Variants in MAGI1 observed in about 807,000 individuals in gnomAD.
MAGI1 encodes membrane-associated guanylate kinase, WW and PDZ domain-containing protein 1.
Under a neutral mutation model 139.9 loss-of-function variants are expected in MAGI1, and 58 were observed. The ratio of observed to expected loss-of-function variants is 0.41; its 90% CI spans 0.34 to 0.52. The LOEUF is 0.52. Among genes scored for constraint, MAGI1 ranks in the 20% least tolerant of loss-of-function variants. The probability of loss-of-function intolerance (pLI) is 0.12; values close to 1 mark genes in which losing one functional copy is unlikely to be tolerated. For missense variants in MAGI1, 1,874 were observed against 1,901.6 expected (o/e 0.99, Z 0.27); for synonymous variants, 812 against 737.9 (o/e 1.10, Z -1.63).
intron 1 of MAGI1, among the ~76,000 whole-genome samples, chr3:65,824,915 A>G (rs1435246395): frequency 2.0e-5 from 3 of 152,220 alleles, no homozygotes; most frequent in African/African-American, 7.2e-5. Context: ...ATGTTGTAAG[A>G]GTACATGGAT....
rs2037541264 is a variant in MAGI1, at chr3:65,767,016, G to A, written c.314-144928C>T. Reference sequence around the variant, plus strand: ...GGGCAGGTCATATTGCCCTCTCTGAGTTTCCATTTCTCTCTCTTTTTTCTT... The same window carrying A: ...GGGCAGGTCATATTGCCCTCTCTGAATTTCCATTTCTCTCTCTTTTTTCTT... On this transcript the variant is annotated intron_variant, in intron 1 of 22. Transcript: ENST00000402939. 2.0e-5 allele frequency among the ~76,000 whole-genome samples: 3 copies of A among 152,298 alleles called. No individual in the cohort carries two copies. In the South Asian group the frequency reaches 6.2e-4, roughly 32 times the overall value.
intron 1 of MAGI1, among the ~76,000 whole-genome samples, chr3:65,640,977 T>G (rs1372726281): frequency 3.3e-5 from 5 of 152,112 alleles, no homozygotes; most frequent in African/African-American, 1.2e-4. Context: ...CCAGTCCTTA[T>G]GAGAAAGAAA....
At chr3:65,897,239 T>C (rs989352512) in intron 1 of MAGI1, among the ~76,000 whole-genome samples, 2 of 151,926 alleles carry the variant, frequency 1.3e-5, no homozygotes, top group East Asian at 1.9e-4. Context: ...GTAATAAACA[T>C]GTACCACACT....
intron 1 of MAGI1, among the ~76,000 whole-genome samples, chr3:65,735,391 C>T (rs1008051849): frequency 4.4e-5 from 3 of 67,890 alleles, no homozygotes; most frequent in African/African-American, 1.7e-4. Context: ...AGGAGATCAA[C>T]AGAAAATATA....
intron 1 of MAGI1, among the ~76,000 whole-genome samples, chr3:65,751,221 A>G (rs745473325): frequency 2.6e-5 from 4 of 152,228 alleles, no homozygotes; most frequent in Non-Finnish European, 5.9e-5. Flanking sequence ...CCCTTACTCT[A>G]GCTCAGAGAC....
At chr3:65,560,198 G>A (rs891405816) in intron 2 of MAGI1, among the ~76,000 whole-genome samples, 1 of 152,172 alleles carries the variant, frequency 6.6e-6, no homozygotes, top group Non-Finnish European at 1.5e-5. Context: ...GTACATATCA[G>A]TGTTGATTTT....
intron 2 of MAGI1, among the ~76,000 whole-genome samples, chr3:65,564,219 C>A (rs1244440953): frequency 6.6e-6 from 1 of 151,928 alleles, no homozygotes; most frequent in East Asian, 1.9e-4. Context: ...AGCTCCCCTG[C>A]CTTAGACAAG....
At chr3:65,604,543 G>A (rs919603323) in intron 2 of MAGI1, among the ~76,000 whole-genome samples, 3 of 152,036 alleles carry the variant, frequency 2.0e-5, no homozygotes, top group African/African-American at 7.2e-5. Flanking sequence ...TTCATATAAT[G>A]TCAGAGACAA....
chr3:65,478,743 G>C lies in MAGI1; in HGVS notation c.606C>G (p.Ile202Met), dbSNP rs1951056680. 6.2e-7 allele frequency: 1 copy of C among 1,614,122 alleles called. No individual in the cohort carries two copies. Among genetic ancestry groups the C allele is most frequent in the African/African-American group, 1.3e-5 (1 of 75,040 alleles). ...PPSQPVSGKVITTDALHSLQS... is the reference protein window; with the variant it reads ...PPSQPVSGKVMTTDALHSLQS... ...GAAGGCTGTGCAAGGCATCCGTCGT[G>C]ATCACTTTCCCACTGACTGGCTGGC... is the stretch of plus-strand genomic sequence containing the variant. Residue 202 changes from isoleucine (I) to methionine (M), a missense_variant, in exon 4 of 23, where the codon ATC becomes ATG. By Grantham distance (10) the Ile-to-Met change is conservative. Around this residue, in one of 5 missense-constraint regions of MAGI1, gnomAD observed 648 missense variants for 598.1 expected, o/e 1.08. Transcript: ENST00000402939.
At chr3:65,383,459 T>A (rs2106916954) in intron 15 of MAGI1, 73 bp downstream of exon 15, 1 of 1,099,854 alleles carries the variant, frequency 9.1e-7, no homozygotes, top group South Asian at 1.3e-5. Context: ...ATCTTGGTGA[T>A]TTGTCACTGT....
intron 1 of MAGI1, among the ~76,000 whole-genome samples, chr3:65,658,596 G>T (rs1404196200): frequency 2.0e-5 from 3 of 152,116 alleles, no homozygotes; most frequent in African/African-American, 4.8e-5. Flanking sequence ...AGTAGGACTG[G>T]GATGAGTCCT....
chr3:65,774,984 G>A (rs1021817712), intron 1 of MAGI1, among the ~76,000 whole-genome samples: 1 of 152,080 alleles, frequency 6.6e-6, no homozygotes, highest in African/African-American at 2.4e-5. Context: ...CAATGTATAT[G>A]AATTTCATAG....
intron 1 of MAGI1, among the ~76,000 whole-genome samples, chr3:65,747,339 G>A (rs1290870827): frequency 6.6e-6 from 1 of 152,118 alleles, no homozygotes; most frequent in East Asian, 1.9e-4. Flanking sequence ...GAGGCTACAG[G>A]CCTGAAGGCA....
chr3:65,444,946 C>G (rs140906318), intron 7 of MAGI1, among the ~76,000 whole-genome samples: 1 of 152,090 alleles, frequency 6.6e-6, no homozygotes, highest in African/African-American at 2.4e-5. Flanking sequence ...AATGGGTCAT[C>G]GATTTTAAAT....
intron 1 of MAGI1, among the ~76,000 whole-genome samples, chr3:65,928,138 G>A (rs1315942811): frequency 1.3e-5 from 2 of 152,052 alleles, no homozygotes; most frequent in Admixed American, 6.5e-5. Flanking sequence ...TTACAGCAGT[G>A]TTCACTGATG....
chr3:65,902,158 G>T (rs1465710308), intron 1 of MAGI1, among the ~76,000 whole-genome samples: 5 of 152,166 alleles, frequency 3.3e-5, no homozygotes, highest in Admixed American at 3.3e-4. Flanking sequence ...AATCTTACAG[G>T]TTGGTATTTT....
chr3:65,386,456 T>A (rs1943460077), intron 14 of MAGI1, among the ~76,000 whole-genome samples: 1 of 152,184 alleles, frequency 6.6e-6, no homozygotes, highest in Non-Finnish European at 1.5e-5. Flanking sequence ...TTTTAAGAAT[T>A]CTACTCTTCT....
intron 1 of MAGI1, among the ~76,000 whole-genome samples, chr3:65,665,457 A>G (rs1033280598): frequency 2.0e-5 from 3 of 152,208 alleles, no homozygotes; most frequent in East Asian, 3.8e-4. Flanking sequence ...GGATCAGGAA[A>G]GTGTTCAACC....
At chr3:65,779,559 G>A (rs1215529333) in intron 1 of MAGI1, among the ~76,000 whole-genome samples, 2 of 152,212 alleles carry the variant, frequency 1.3e-5, no homozygotes, top group South Asian at 4.1e-4. Flanking sequence ...AACTTTCTAA[G>A]ACCAAGAATT....
Sources: allele counts gnomAD v4.1 joint callset (sites outside exome capture counted in the v4.1 genomes callset), GRCh38; gene constraint gnomAD v4.1.1; regional missense constraint gnomAD v4.1.1; transcripts MANE v1.5; gene names NCBI Gene and HGNC (gene_info 2026-07-23, HGNC 2026-07-21).